Variants in FRMPD3 observed in about 807,000 individuals in gnomAD.
FRMPD3 encodes FERM and PDZ domain-containing protein 3.
FRMPD3 carries 42 observed loss-of-function variants against 97.9 expected under a neutral mutation model. The observed-to-expected ratio is 0.43, with a 90% confidence interval of 0.34 to 0.55. The LOEUF (loss-of-function observed/expected upper bound fraction) is 0.55, where lower values mean the gene tolerates loss of function less well. FRMPD3 is among the 20% of genes least tolerant of loss of function. The probability of loss-of-function intolerance (pLI) is 0.03; values close to 1 mark genes in which losing one functional copy is unlikely to be tolerated. For synonymous variants in FRMPD3, 577 were observed against 581.1 expected (o/e 0.99, Z 0.10); for missense variants, 1,303 against 1,457.7 (o/e 0.89, Z 1.73).
intron 1 of FRMPD3, among the ~76,000 whole-genome samples, chrX:107,514,043 T>G (rs1922237905): frequency 9.0e-6 from 1 of 111,707 alleles, no homozygotes; most frequent in Non-Finnish European, 1.9e-5. Flanking sequence ...AGTGGAGACC[T>G]AAAGGATAAA....
chrX:107,490,752 C>T (rs1044627310), intron 1 of FRMPD3, among the ~76,000 whole-genome samples: 1 of 111,754 alleles, frequency 8.9e-6, no homozygotes, highest in African/African-American at 3.3e-5. Context: ...CGTTATTTCC[C>T]TGTGTGTGTG....
intron 1 of FRMPD3, among the ~76,000 whole-genome samples, chrX:107,489,015 G>A (rs1298075927): frequency 3.3e-4 from 27 of 81,399 alleles, no homozygotes; most frequent in African/African-American, 1.2e-3. Flanking sequence ...TCCCCGGAGT[G>A]TGATGTTCCC....
intron 8 of FRMPD3, among the ~76,000 whole-genome samples, chrX:107,559,090 C>T (rs1297232369): frequency 9.3e-6 from 1 of 108,107 alleles, no homozygotes; most frequent in African/African-American, 3.4e-5. Flanking sequence ...GCCTCAGCCT[C>T]TCAAGTAGCT....
At chrX:107,503,529 C>T (rs540154890) in intron 1 of FRMPD3, among the ~76,000 whole-genome samples, 3 of 112,182 alleles carry the variant, frequency 2.7e-5, no homozygotes, top group African/African-American at 9.7e-5. Flanking sequence ...TATTATCTAT[C>T]CCAAGTCTTC....
intron 13 of FRMPD3, among the ~76,000 whole-genome samples, chrX:107,584,738 A>C (rs1411622387): frequency 1.8e-5 from 2 of 112,131 alleles, no homozygotes; most frequent in East Asian, 5.6e-4. Context: ...AGGTTCAATG[A>C]AGATAAGATG....
intron 1 of FRMPD3, among the ~76,000 whole-genome samples, chrX:107,464,327 A>G (rs1468651461): frequency 9.1e-6 from 1 of 109,874 alleles, no homozygotes; most frequent in Non-Finnish European, 1.9e-5. Flanking sequence ...CTATCTTTTG[A>G]CTTTTATTTT....
At chrX:107,480,091 C>A (rs191080000) in intron 1 of FRMPD3, among the ~76,000 whole-genome samples, 1 of 109,384 alleles carries the variant, frequency 9.1e-6, no homozygotes, top group African/African-American at 3.3e-5. Flanking sequence ...ACTTTAGCTG[C>A]TGTGTATATT....
At position 107,603,591 on chromosome X, in the gene FRMPD3, T is replaced by C; in HGVS notation, c.*218T>C. ...GGGTGTCCTCACCCCTTCCCTGGCCTCTGGGCCTCACTGTGAGGGCAAAGG... is the reference window on the plus strand; with the variant it reads ...GGGTGTCCTCACCCCTTCCCTGGCCCCTGGGCCTCACTGTGAGGGCAAAGG... On this transcript the variant is annotated 3_prime_UTR_variant, in exon 15 of 15. Coordinates refer to ENST00000683843, the MANE Select transcript of FRMPD3 (RefSeq NM_001388459.1). 1.5e-6 allele frequency: 1 copy of C among 651,026 alleles called. No individual in the cohort carries two copies. The highest frequency in any genetic ancestry group is 2.2e-6 in the Non-Finnish European group (1 of 461,661). 53.7% of individuals were successfully genotyped at this position (651,026 alleles called of 1,213,427 possible). A position where few individuals can be genotyped will look rare whatever the true frequency, so the allele number is the denominator to read the frequency against.
rs779976093 is a variant in FRMPD3 at position 107,597,833 on chromosome X, G to A, written c.1954G>A (p.Glu652Lys). 2 of 1,187,900 alleles carry A rather than the reference G, an allele frequency of 1.7e-6. No individual in the cohort carries two copies. Among genetic ancestry groups the A allele is most frequent in the East Asian group, 3.1e-5 (1 of 32,549 alleles). ...MSLPPPGSEE[E>K]EEEEDETTSL... ...CCTCCCACCACCTGGGAGTGAGGAGGAGGAGGAGGAGGAAGATGAGACAAC... is the reference window on the plus strand; with the variant it reads ...CCTCCCACCACCTGGGAGTGAGGAGAAGGAGGAGGAGGAAGATGAGACAAC... Residue 652 changes from glutamate (E) to lysine (K), a missense_variant, in exon 14 of 15, where the codon GAG becomes AAG. By Grantham distance (56) the Glu-to-Lys change is moderately conservative (BLOSUM62 1). Around this residue, in one of 3 missense-constraint regions of FRMPD3, gnomAD observed 535 missense variants for 618.6 expected, o/e 0.86. Coordinates refer to ENST00000683843, the MANE Select transcript of FRMPD3 (RefSeq NM_001388459.1).
intron 1 of FRMPD3, among the ~76,000 whole-genome samples, chrX:107,518,244 T>A (rs1037273076): frequency 1.8e-5 from 2 of 111,163 alleles, no homozygotes; most frequent in East Asian, 5.6e-4. Flanking sequence ...AGGGAAGAGA[T>A]TTCTAGTAAA....
At chrX:107,494,953 C>G (rs1921739864) in intron 1 of FRMPD3, among the ~76,000 whole-genome samples, 1 of 112,116 alleles carries the variant, frequency 8.9e-6, no homozygotes. Flanking sequence ...GATCAACAGG[C>G]ATGCACATTT....
intron 13 of FRMPD3, among the ~76,000 whole-genome samples, chrX:107,583,082 TTTTTTTTCTTTTTCTC>T (rs1923469120): frequency 9.0e-6 from 1 of 111,472 alleles, no homozygotes; most frequent in African/African-American, 3.3e-5. Context: ...TTTGCACGTC[TTTTTTTTCTTTTTCTC>T]TTTTTTTCTT....
At chrX:107,573,488 G>C (rs1195623927) in intron 12 of FRMPD3, among the ~76,000 whole-genome samples, 1 of 111,778 alleles carries the variant, frequency 8.9e-6, no homozygotes. Context: ...TTGTATGCAA[G>C]TTTGGCCATT....
At chrX:107,572,911 A>C (rs5962851) in intron 12 of FRMPD3, among the ~76,000 whole-genome samples, 23,135 of 86,896 alleles carry the variant, frequency 0.27, 2,973 homozygotes, top group Non-Finnish European at 0.33. Flanking sequence ...ACTACTACTA[A>C]TAATAATAAT....
intron 1 of FRMPD3, among the ~76,000 whole-genome samples, chrX:107,515,929 G>A (rs973923196): frequency 1.8e-5 from 2 of 110,777 alleles, no homozygotes; most frequent in African/African-American, 6.6e-5. Context: ...CAACGTGCAG[G>A]TTAGTTACAT....
intron 1 of FRMPD3, among the ~76,000 whole-genome samples, chrX:107,461,720 G>T (rs1330254719): frequency 1.8e-5 from 2 of 109,375 alleles, no homozygotes; most frequent in East Asian, 2.8e-4. Flanking sequence ...CCTCCTCCTG[G>T]TATATGAGGC....
intron 1 of FRMPD3, among the ~76,000 whole-genome samples, 170 bp from the exon 2 acceptor site, chrX:107,526,412 A>T (rs368163238): frequency 9.0e-6 from 1 of 110,985 alleles, no homozygotes; most frequent in Admixed American, 9.6e-5. Context: ...TCTTTCTCCA[A>T]TCTGAAATAT....
chrX:107,545,979 A>G (rs1038490303), intron 5 of FRMPD3, 138 bp downstream of exon 5: 6 of 474,179 alleles, frequency 1.3e-5, no homozygotes, highest in Non-Finnish European at 1.8e-5. Context: ...TGGAGGGGGA[A>G]AAGTAGTGAG....
intron 1 of FRMPD3, among the ~76,000 whole-genome samples, chrX:107,496,647 G>T (rs752512139): frequency 8.9e-6 from 1 of 111,993 alleles, no homozygotes; most frequent in South Asian, 3.8e-4. Context: ...TCCAGAAAGC[G>T]CTCTGAGTTC....
Sources: gnomAD v4.1 joint callset for allele counts (sites outside exome capture counted in the v4.1 genomes callset) on GRCh38, gnomAD v4.1.1 for gene constraint, gnomAD v4.1.1 regional missense constraint, MANE v1.5 for transcripts, NCBI Gene and HGNC (gene_info 2026-07-23, HGNC 2026-07-21) for gene names.